Variants in ZFR2 observed in about 807,000 individuals in gnomAD.
ZFR2 encodes the protein zinc finger RNA binding protein 2, also known as zinc finger RNA-binding protein 2.
ZFR2 carries 104 observed loss-of-function variants against 105.7 expected under a neutral mutation model. That is an observed-to-expected ratio of 0.98 (90% CI 0.84 to 1.16). The LOEUF is 1.16. Ranked by LOEUF, ZFR2 falls within the 50% of genes most tolerant of loss-of-function variation. The pLI is 0.00. For synonymous variants in ZFR2, 634 were observed against 597.7 expected, an observed-to-expected ratio of 1.06 and a Z score of -0.89; for missense variants, 1,425 against 1,355.5, an observed-to-expected ratio of 1.05 and a Z score of -0.80.
At position 3,805,803 on chromosome 19, in the gene ZFR2, A is replaced by G. The variant is rs10411206; in HGVS notation, c.*146T>C. On this transcript the variant is annotated 3_prime_UTR_variant, in exon 19 of 19. Coordinates refer to ENST00000262961, the MANE Select transcript of ZFR2 (RefSeq NM_015174.2). ...TGAGCCACAGTGCCCGGTCTGAAGC[A>G]CAGGTGTTTTAAAGGAAACCTACAG... 0.024 allele frequency: 22,973 copies of G among 966,274 alleles called. 2,333 individuals are homozygous for G. The African/African-American group carries it at 0.28, about 12-fold the overall frequency. 59.9% of individuals were successfully genotyped at this position (966,274 alleles called of 1,614,324 possible).
At chr19:3,859,272 C>A (rs1030555584) in intron 1 of ZFR2, among the ~76,000 whole-genome samples, 2 of 152,222 alleles carry the variant, frequency 1.3e-5, no homozygotes, top group Non-Finnish European at 2.9e-5. Context: ...TGGGCTTACA[C>A]CAGCAGTTGG....
chr19:3,832,943 A>T (rs2038035219), intron 3 of ZFR2, among the ~76,000 whole-genome samples: 2 of 147,238 alleles, frequency 1.4e-5, no homozygotes, highest in East Asian at 2.3e-4. Context: ...CCCGGCCTCT[A>T]GGATGGTTAA....
intron 1 of ZFR2, among the ~76,000 whole-genome samples, chr19:3,856,082 G>C (rs983889564): frequency 6.6e-6 from 1 of 152,238 alleles, no homozygotes; most frequent in Non-Finnish European, 1.5e-5. Flanking sequence ...AGGCAGGCTG[G>C]TGCGCGGTGG....
chr19:3,839,051 T>A (rs972834005), intron 1 of ZFR2, among the ~76,000 whole-genome samples: 5 of 152,126 alleles, frequency 3.3e-5, no homozygotes, highest in African/African-American at 1.2e-4. Flanking sequence ...TACAGAAGGA[T>A]GGACATGTCC....
chr19:3,837,538 G>A lies in ZFR2; in HGVS notation c.54-2555C>T, dbSNP rs192510417. Among the ~76,000 whole-genome samples, 228 of 149,950 alleles carry A rather than the reference G, an allele frequency of 1.5e-3. 2 individuals carry two copies. Among genetic ancestry groups the A allele is most frequent in the African/African-American group, 5.2e-3 (210 of 40,702 alleles). Reference sequence around the variant, plus strand: ...GTGACACTCGATGAACACCATGACCGTGACACTCGATGAACACCGTGACCG... The same window carrying A: ...GTGACACTCGATGAACACCATGACCATGACACTCGATGAACACCGTGACCG... On this transcript the variant is annotated intron_variant, in intron 1 of 18. Transcript: ENST00000262961.
chr19:3,842,646 G>A (rs796770031), intron 1 of ZFR2, among the ~76,000 whole-genome samples: 9 of 146,380 alleles, frequency 6.1e-5, no homozygotes, highest in African/African-American at 2.0e-4. Context: ...TTTTTGAGAC[G>A]GAGTTTTGCT....
At chr19:3,826,890 G>A (rs938337609) in intron 6 of ZFR2, among the ~76,000 whole-genome samples, 1 of 152,230 alleles carries the variant, frequency 6.6e-6, no homozygotes, top group Non-Finnish European at 1.5e-5. Context: ...TTGGAAGTCC[G>A]GGTGTGAGTG....
chr19:3,868,890 G>A (rs1222102456), intron 1 of ZFR2, 75 bp downstream of exon 1: 4 of 1,157,162 alleles, frequency 3.5e-6, no homozygotes, highest in Non-Finnish European at 4.4e-6. Flanking sequence ...CACGCGGCGG[G>A]AGAAGGGGTA....
chr19:3,833,248 CAAAAA>C (rs1206859994), intron 3 of ZFR2, among the ~76,000 whole-genome samples: 20 of 75,302 alleles, frequency 2.7e-4, no homozygotes, highest in East Asian at 3.4e-4. Context: ...GACTCCGTCT[CAAAAA>C]AAAAAAAAAA....
chr19:3,833,334 T>C (rs186686831), intron 3 of ZFR2, among the ~76,000 whole-genome samples: 96 of 151,864 alleles, frequency 6.3e-4, no homozygotes, highest in Middle Eastern at 6.9e-3. Context: ...CGCAGCACTT[T>C]GGGAGGCCAA....
chr19:3,836,144 A>G (rs1017381840), intron 1 of ZFR2, among the ~76,000 whole-genome samples: 3 of 152,140 alleles, frequency 2.0e-5, no homozygotes, highest in African/African-American at 7.2e-5. Context: ...AATACCTAAT[A>G]CAATGTAAGC....
chr19:3,856,962 C>CAAGT (rs1487505721), intron 1 of ZFR2: 1 of 152,138 alleles, frequency 6.6e-6, no homozygotes, highest in Admixed American at 6.6e-5. Flanking sequence ...CTCCTCACCT[C>CAAGT]AAGTGATCCG....
Position 3,822,071 on chromosome 19 carries a change from C to T in ZFR2, c.1491+10G>A, listed in dbSNP as rs757302221. On this transcript the variant is annotated intron_variant, in intron 9 of 18. Coordinates refer to ENST00000262961, the MANE Select transcript of ZFR2 (RefSeq NM_015174.2). ...CGGACGGGTGTCGGAGCTCCCCCTGCTGGACGCACCCGGTACTGCAGCCGG... is the reference window on the plus strand; with the variant it reads ...CGGACGGGTGTCGGAGCTCCCCCTGTTGGACGCACCCGGTACTGCAGCCGG... 3.8e-6 allele frequency: 6 copies of T among 1,591,518 alleles called. No homozygotes were observed. The South Asian group carries it at 6.8e-5, about 18-fold the overall frequency.
intron 10 of ZFR2, 121 bp from the exon 11 acceptor site, chr19:3,820,411 G>A: frequency 2.2e-6 from 2 of 918,098 alleles, no homozygotes; most frequent in Admixed American, 5.8e-5. Context: ...GCTCTTGCTG[G>A]GGCTCCACTG....
chr19:3,857,830 C>T (rs1228993013), intron 1 of ZFR2, among the ~76,000 whole-genome samples: 1 of 152,040 alleles, frequency 6.6e-6, no homozygotes, highest in Non-Finnish European at 1.5e-5. Context: ...CACTGTACTA[C>T]ACCAGAGACA....
At chr19:3,830,143 A>AAT (rs1555755769) in intron 5 of ZFR2, among the ~76,000 whole-genome samples, 6 of 149,610 alleles carry the variant, frequency 4.0e-5, no homozygotes, top group Admixed American at 1.4e-4. Context: ...CTACAAAAAA[A>AAT]TTTTTTTTTA....
chr19:3,810,342 G>A (rs919298727), intron 16 of ZFR2, among the ~76,000 whole-genome samples: 1 of 152,210 alleles, frequency 6.6e-6, no homozygotes, highest in African/African-American at 2.4e-5. Flanking sequence ...GGATGGGCTG[G>A]GGGGTGGTGT....
intron 11 of ZFR2, 43 bp from the exon 12 acceptor site, chr19:3,819,278 C>A (rs942200015): frequency 1.4e-6 from 2 of 1,445,496 alleles, no homozygotes; most frequent in Non-Finnish European, 1.8e-6. Flanking sequence ...TCTGTGGGGA[C>A]CCTTGGGGAG....
chr19:3,808,850 G>T, intron 17 of ZFR2, 22 bp downstream of exon 17: 1 of 1,528,716 alleles, frequency 6.5e-7, no homozygotes, highest in Non-Finnish European at 8.8e-7. Flanking sequence ...CACCTCCTGG[G>T]CCCTCCGGCC....
Sources: allele counts gnomAD v4.1 joint callset (sites outside exome capture counted in the v4.1 genomes callset), GRCh38; gene constraint gnomAD v4.1.1; transcripts MANE v1.5; gene names NCBI Gene and HGNC (gene_info 2026-07-23, HGNC 2026-07-21).